Variants in GMDS observed in about 807,000 individuals in gnomAD.
The protein encoded by GMDS is GDP-mannose 4,6-dehydratase.
A neutral mutation model predicts 49.9 loss-of-function variants in GMDS; 20 were observed. That is an observed-to-expected ratio of 0.40 (90% confidence interval 0.28 to 0.58). The LOEUF (loss-of-function observed/expected upper bound fraction) is 0.58, where lower values mean the gene tolerates loss of function less well. Ranked by LOEUF, GMDS falls within the 20% of genes least tolerant of loss-of-function variation. The pLI, the probability that GMDS is intolerant of heterozygous loss-of-function variation, is 0.42. For missense variants in GMDS, 362 were observed against 481.4 expected (o/e 0.75, Z 2.32); for synonymous variants, 177 against 178.6 (o/e 0.99, Z 0.07).
chr6:2,170,642 A>T lies in GMDS; in HGVS notation c.103-45911T>A, dbSNP rs1291190878. ...ACCCTGCCTTAAAAAAAAATAAAAA[A>T]AAAAAAGGCATAATTACATTACAGA... On this transcript the variant is annotated intron_variant, in intron 1 of 10. Transcript: ENST00000380815. Among the ~76,000 whole-genome samples, 4 of 151,960 alleles carry T rather than the reference A, an allele frequency of 2.6e-5. 1 individual carries two copies. The highest frequency in any genetic ancestry group is 2.1e-4 in the South Asian group (1 of 4,814).
intron 6 of GMDS, chr6:1,931,042 T>C (rs2127241181): frequency 6.6e-6 from 1 of 152,326 alleles, no homozygotes; most frequent in Admixed American, 6.5e-5. Context: ...TTTTCAAAGA[T>C]CACAAAGTTA....
chr6:1,909,404 A>C (rs1383196762), intron 7 of GMDS, among the ~76,000 whole-genome samples: 1 of 152,198 alleles, frequency 6.6e-6, no homozygotes, highest in Non-Finnish European at 1.5e-5. Context: ...AAAAGTATAG[A>C]CTATGTTCTT....
intron 9 of GMDS, among the ~76,000 whole-genome samples, chr6:1,639,721 T>C (rs923052061): frequency 6.6e-6 from 1 of 152,190 alleles, no homozygotes; most frequent in Non-Finnish European, 1.5e-5. Context: ...AGCCCATCTC[T>C]ACAAAAACCA....
intron 4 of GMDS, among the ~76,000 whole-genome samples, chr6:1,972,581 C>A (rs1764682878): frequency 1.3e-5 from 2 of 152,182 alleles, no homozygotes; most frequent in African/African-American, 4.8e-5. Flanking sequence ...GGAGAGCACA[C>A]AGATTTGGAT....
intron 7 of GMDS, among the ~76,000 whole-genome samples, chr6:1,904,623 T>G (rs1235592889): frequency 1.3e-5 from 2 of 152,236 alleles, no homozygotes; most frequent in Non-Finnish European, 2.9e-5. Context: ...GCTGTGTCCT[T>G]GAGCGTGGGT....
chr6:1,974,216 G>A (rs994374533), intron 4 of GMDS, among the ~76,000 whole-genome samples: 2 of 151,452 alleles, frequency 1.3e-5, no homozygotes, highest in African/African-American at 2.4e-5. Context: ...AAGCCCTCAT[G>A]AGATACCTAC....
intron 7 of GMDS, among the ~76,000 whole-genome samples, chr6:1,898,105 GGCCTCCCTT>G (rs1302973274): frequency 0.055 from 7,281 of 131,676 alleles, 607 homozygotes; most frequent in East Asian, 0.068. Context: ...CACCTATCCT[GGCCTCCCTT>G]GCCATCCTGG....
At chr6:1,860,614 A>G (rs1386842985) in intron 7 of GMDS, among the ~76,000 whole-genome samples, 2 of 152,216 alleles carry the variant, frequency 1.3e-5, no homozygotes, top group African/African-American at 2.4e-5. Context: ...TTAACTGTAT[A>G]TAAGTTACAC....
chr6:1,727,768 C>T (rs944024400), intron 8 of GMDS, among the ~76,000 whole-genome samples: 2 of 151,990 alleles, frequency 1.3e-5, no homozygotes, highest in African/African-American at 4.8e-5. Flanking sequence ...AATATTTCAC[C>T]GTTGGAGGAA....
At chr6:1,988,091 TAACATA>T (rs1765675752) in intron 4 of GMDS, among the ~76,000 whole-genome samples, 1 of 152,222 alleles carries the variant, frequency 6.6e-6, no homozygotes, top group Admixed American at 6.5e-5. Flanking sequence ...CTATTTTCTA[TAACATA>T]TACTATTTTC....
chr6:2,030,050 G>C (rs572245183), intron 4 of GMDS, among the ~76,000 whole-genome samples: 9 of 152,050 alleles, frequency 5.9e-5, no homozygotes, highest in Non-Finnish European at 1.2e-4. Flanking sequence ...TCCAGAGAAG[G>C]GGGCAGGTTG....
chr6:1,740,012 A>G (rs2113482877), intron 8 of GMDS, among the ~76,000 whole-genome samples: 1 of 152,322 alleles, frequency 6.6e-6, no homozygotes, highest in South Asian at 2.1e-4. Context: ...CAACTTTTGG[A>G]GCATAACAGG....
In GMDS at chr6:2,017,205, C is replaced by T. The variant is rs550264682; in HGVS notation, c.346-56239G>A. 2.8e-4 allele frequency among the ~76,000 whole-genome samples: 42 copies of T among 152,030 alleles called. 1 individual carries two copies. Among genetic ancestry groups the T allele is most frequent in the African/African-American group, 1.0e-3 (42 of 41,466 alleles). On this transcript the variant is annotated intron_variant, in intron 4 of 10. Coordinates refer to ENST00000380815, the MANE Select transcript of GMDS (RefSeq NM_001500.4). ...AGGGTGGAGGAGAGGAGCGTGGACA[C>T]AAGACACAAAATTTTCATGCCAGGA... is the stretch of plus-strand genomic sequence containing the variant.
chr6:1,931,764 C>T (rs1762296358), intron 6 of GMDS, among the ~76,000 whole-genome samples: 1 of 152,168 alleles, frequency 6.6e-6, no homozygotes, highest in Admixed American at 6.5e-5. Flanking sequence ...AAGATTCCAA[C>T]ATAAAACATT....
chr6:1,916,693 G>A lies in GMDS; in HGVS notation c.771+13410C>T, dbSNP rs1311254943. 7.2e-5 allele frequency among the ~76,000 whole-genome samples: 11 copies of A among 152,174 alleles called. No individual in the cohort carries two copies. The East Asian group carries it at 1.5e-3, about 21-fold the overall frequency. On this transcript the variant is annotated intron_variant, in intron 7 of 10. Transcript: ENST00000380815. ...AACATTTGAGAGCACAATACCACGC[G>A]CAATTAAACAAGCAAACCCACAATT...
chr6:2,153,530 G>A (rs367609280), intron 1 of GMDS, among the ~76,000 whole-genome samples: 3 of 152,206 alleles, frequency 2.0e-5, no homozygotes, highest in African/African-American at 4.8e-5. Flanking sequence ...GGCAGTTGAT[G>A]AACAGGCAAT....
intron 4 of GMDS, among the ~76,000 whole-genome samples, chr6:2,064,576 C>A (rs973232243): frequency 1.3e-5 from 2 of 152,068 alleles, no homozygotes; most frequent in Non-Finnish European, 2.9e-5. Flanking sequence ...ACCTCCTCCC[C>A]GATTCCCTAC....
At chr6:1,629,510 G>A (rs138657723) in intron 9 of GMDS, among the ~76,000 whole-genome samples, 72 of 152,324 alleles carry the variant, frequency 4.7e-4, no homozygotes, top group African/African-American at 1.5e-3. Context: ...GCACTGGCCC[G>A]AGGAGGGTGC....
intron 4 of GMDS, among the ~76,000 whole-genome samples, chr6:2,100,194 T>G (rs1283729276): frequency 2.6e-5 from 4 of 152,112 alleles, no homozygotes; most frequent in African/African-American, 9.6e-5. Flanking sequence ...TTTAGAAGGT[T>G]TTATATTTCA....
Sources: gnomAD v4.1 joint callset for allele counts (sites outside exome capture counted in the v4.1 genomes callset) on GRCh38, gnomAD v4.1.1 for gene constraint, MANE v1.5 for transcripts, NCBI Gene and HGNC (gene_info 2026-07-23, HGNC 2026-07-21) for gene names.